The following PPP6R3 variants were observed in gnomAD, a reference collection of about 807,000 sequenced individuals.
The protein encoded by PPP6R3 is protein phosphatase 6 regulatory subunit 3.
A neutral mutation model predicts 110.7 loss-of-function variants in PPP6R3; 38 were observed. That is an observed-to-expected ratio of 0.34 (90% CI 0.26 to 0.45). PPP6R3 has a LOEUF of 0.45. Among genes scored for constraint, PPP6R3 ranks in the 20% least tolerant of loss-of-function variants. The pLI, the probability that PPP6R3 is intolerant of heterozygous loss-of-function variation, is 1.00. For synonymous variants in PPP6R3, 369 were observed against 373.5 expected, an observed-to-expected ratio of 0.99 and a Z score of 0.14; for missense variants, 870 against 1,062.4, an observed-to-expected ratio of 0.82 and a Z score of 2.52.
chr11:68,489,990 T>C (rs2098973688), intron 1 of PPP6R3, among the ~76,000 whole-genome samples: 1 of 152,210 alleles, frequency 6.6e-6, no homozygotes. Flanking sequence ...GTTATTGTTA[T>C]TATTTTGAAC....
chr11:68,610,081 C>G (rs1446396999), intron 23 of PPP6R3, 58 bp downstream of exon 23: 1 of 1,594,154 alleles, frequency 6.3e-7, no homozygotes, highest in African/African-American at 1.3e-5. Context: ...CCTGTTGCTT[C>G]CTGGGAGTTG....
intron 18 of PPP6R3, among the ~76,000 whole-genome samples, chr11:68,591,941 G>A (rs567348702): frequency 2.8e-4 from 42 of 152,308 alleles, no homozygotes; most frequent in African/African-American, 4.8e-4. Flanking sequence ...GGGGCCCAGC[G>A]TCTTCCAAAG....
At chr11:68,604,616 T>C (rs556573514) in intron 22 of PPP6R3, among the ~76,000 whole-genome samples, 3 of 152,324 alleles carry the variant, frequency 2.0e-5, no homozygotes, top group African/African-American at 4.8e-5. Flanking sequence ...TACATAAAAA[T>C]TCCAATGGAA....
At chr11:68,539,784 C>G (rs1043354811) in intron 3 of PPP6R3, among the ~76,000 whole-genome samples, 4 of 152,142 alleles carry the variant, frequency 2.6e-5, no homozygotes, top group African/African-American at 9.7e-5. Context: ...CAGATAAGAC[C>G]TCTGGAGAAA....
intron 9 of PPP6R3, among the ~76,000 whole-genome samples, chr11:68,565,483 A>G (rs1005553257): frequency 2.0e-5 from 3 of 151,916 alleles, no homozygotes; most frequent in Non-Finnish European, 4.4e-5. Flanking sequence ...GGCATCCTTC[A>G]TGCCAGTCCT....
At chr11:68,580,786 T>A (rs1204467521) in intron 14 of PPP6R3, among the ~76,000 whole-genome samples, 1 of 74,748 alleles carries the variant, frequency 1.3e-5, no homozygotes, top group Non-Finnish European at 2.6e-5. Context: ...TTTTTTTTTT[T>A]TTTGAGACAG....
intron 14 of PPP6R3, among the ~76,000 whole-genome samples, chr11:68,577,520 A>T (rs1048521144): frequency 1.3e-5 from 2 of 152,260 alleles, no homozygotes; most frequent in African/African-American, 4.8e-5. Flanking sequence ...AAAAATGTCC[A>T]ATTAAGCTTG....
At chr11:68,507,421 T>G (rs2099084743) in intron 1 of PPP6R3, among the ~76,000 whole-genome samples, 1 of 152,146 alleles carries the variant, frequency 6.6e-6, no homozygotes, top group African/African-American at 2.4e-5. Flanking sequence ...ATTAGGTTAT[T>G]TATCAACAGT....
chr11:68,565,420 G>T (rs539951302), intron 9 of PPP6R3, among the ~76,000 whole-genome samples: 28 of 152,120 alleles, frequency 1.8e-4, no homozygotes, highest in African/African-American at 6.0e-4. Flanking sequence ...CATAGTGTTG[G>T]TGCTTGCCCT....
chr11:68,475,061 G>C (rs537689895), intron 1 of PPP6R3, among the ~76,000 whole-genome samples: 1 of 152,166 alleles, frequency 6.6e-6, no homozygotes, highest in African/African-American at 2.4e-5. Flanking sequence ...AGGACCCTGC[G>C]GCCCTCTGCA....
intron 22 of PPP6R3, among the ~76,000 whole-genome samples, chr11:68,607,499 C>G (rs762277220): frequency 1.3e-5 from 2 of 152,216 alleles, no homozygotes; most frequent in Non-Finnish European, 2.9e-5. Context: ...TCTCTACACT[C>G]TCCATGTGTG....
chr11:68,466,001 C>T (rs1375624982), intron 1 of PPP6R3, among the ~76,000 whole-genome samples: 1 of 152,182 alleles, frequency 6.6e-6, no homozygotes, highest in Non-Finnish European at 1.5e-5. Flanking sequence ...TTTATAGCTC[C>T]CTACACAACA....
chr11:68,558,562 C>T lies in PPP6R3; in HGVS notation c.732-4C>T. The stretch of plus-strand genomic sequence containing the variant: ...AGTTAGTGATTATTGATTTGTTTCC[C>T]TAGGCAAGAAATTATAGAGCAGCTT... On this transcript the variant is annotated splice_region_variant and splice_polypyrimidine_tract_variant and intron_variant, in intron 7 of 23. Coordinates refer to ENST00000393800, the MANE Select transcript of PPP6R3 (RefSeq NM_001164161.2). 1 of 1,597,844 alleles carries T rather than the reference C, an allele frequency of 6.3e-7. No individual in the cohort carries two copies. Among genetic ancestry groups the T allele is most frequent in the South Asian group, 1.1e-5 (1 of 89,730 alleles).
intron 2 of PPP6R3, among the ~76,000 whole-genome samples, chr11:68,521,623 C>T (rs529047905): frequency 6.6e-6 from 1 of 152,270 alleles, no homozygotes; most frequent in South Asian, 2.1e-4. Context: ...AGGTATAGGG[C>T]ACTTTAGACC....
chr11:68,576,377 A>G (rs556786055), intron 14 of PPP6R3, among the ~76,000 whole-genome samples: 2 of 152,326 alleles, frequency 1.3e-5, no homozygotes, highest in South Asian at 4.1e-4. Context: ...TTGTGGCCAC[A>G]TGCCACTGAT....
intron 1 of PPP6R3, among the ~76,000 whole-genome samples, chr11:68,507,425 C>T (rs967697403): frequency 3.9e-5 from 6 of 151,992 alleles, no homozygotes; most frequent in Non-Finnish European, 5.9e-5. Context: ...GGTTATTTAT[C>T]AACAGTCATG....
At chr11:68,560,564 G>T (rs1016671209) in intron 8 of PPP6R3, among the ~76,000 whole-genome samples, 6 of 152,214 alleles carry the variant, frequency 3.9e-5, no homozygotes, top group Non-Finnish European at 7.3e-5. Flanking sequence ...AACTTATATT[G>T]AAAACCTTTA....
chr11:68,537,105 T>A (rs1332991091), intron 2 of PPP6R3, among the ~76,000 whole-genome samples: 1 of 152,260 alleles, frequency 6.6e-6, no homozygotes, highest in Admixed American at 6.5e-5. Context: ...CATGTTTTCC[T>A]AGTAAACAGA....
chr11:68,489,579 T>TGTGTGTGTGTGTGTG (rs1565369441), intron 1 of PPP6R3, among the ~76,000 whole-genome samples: 2 of 151,714 alleles, frequency 1.3e-5, no homozygotes, highest in African/African-American at 2.4e-5. Context: ...TGTGTGTGTG[T>TGTGTGTGTGTGTGTG]TTTAATGAAC....
Sources: gnomAD v4.1 joint callset for allele counts (sites outside exome capture counted in the v4.1 genomes callset) on GRCh38, gnomAD v4.1.1 for gene constraint, MANE v1.5 for transcripts, NCBI Gene and HGNC (gene_info 2026-07-23, HGNC 2026-07-21) for gene names.